The following GLRA3 variants were observed in gnomAD, a reference collection of about 807,000 sequenced individuals.
The protein encoded by GLRA3 is glycine receptor subunit alpha-3.
In GLRA3, 44 loss-of-function variants were observed where a neutral mutation model predicts 60.4. That is an observed-to-expected ratio of 0.73 (90% CI 0.57 to 0.94). GLRA3 has a LOEUF of 0.94. GLRA3 is among the 40% of genes least tolerant of loss of function. The pLI, the probability that GLRA3 is intolerant of heterozygous loss-of-function variation, is 0.00. For synonymous variants in GLRA3, 223 were observed against 192.9 expected, an observed-to-expected ratio of 1.16 and a Z score of -1.29; for missense variants, 508 against 564.6, an observed-to-expected ratio of 0.90 and a Z score of 1.02.
intron 7 of GLRA3, among the ~76,000 whole-genome samples, chr4:174,664,341 T>C (rs1733574608): frequency 6.6e-6 from 1 of 152,010 alleles, no homozygotes; most frequent in Non-Finnish European, 1.5e-5. Flanking sequence ...ACTCTGACTG[T>C]CTCCCACGCC....
chr4:174,738,204 G>A (rs1362906987), intron 3 of GLRA3, among the ~76,000 whole-genome samples: 1 of 152,126 alleles, frequency 6.6e-6, no homozygotes, highest in South Asian at 2.1e-4. Flanking sequence ...GCTCTTGACA[G>A]TAACAGATGA....
intron 7 of GLRA3, among the ~76,000 whole-genome samples, chr4:174,672,012 T>C (rs1733926836): frequency 6.6e-6 from 1 of 152,124 alleles, no homozygotes; most frequent in South Asian, 2.1e-4. Context: ...TGAGTGGAAT[T>C]GAGAAAGGTA....
intron 9 of GLRA3, among the ~76,000 whole-genome samples, chr4:174,651,531 CA>C (rs1297279664): frequency 6.6e-6 from 1 of 151,956 alleles, no homozygotes; most frequent in Non-Finnish European, 1.5e-5. Flanking sequence ...GGAAAGAATA[CA>C]AATAACAACT....
chr4:174,691,666 T>C (rs1734816180), intron 5 of GLRA3, among the ~76,000 whole-genome samples: 1 of 152,216 alleles, frequency 6.6e-6, no homozygotes, highest in African/African-American at 2.4e-5. Flanking sequence ...GGTGCCGGGA[T>C]TGCAGACGGA....
chr4:174,670,702 C>T (rs1163053976), intron 7 of GLRA3, among the ~76,000 whole-genome samples: 6 of 152,024 alleles, frequency 3.9e-5, no homozygotes, highest in African/African-American at 1.4e-4. Context: ...AGAGAAAATG[C>T]TTGATAATCA....
chr4:174,827,886 C>T (rs1008801688), intron 1 of GLRA3, among the ~76,000 whole-genome samples: 1 of 151,582 alleles, frequency 6.6e-6, no homozygotes, highest in South Asian at 2.1e-4. Context: ...GAAAACCTTG[C>T]AAGCCATAAA....
At chr4:174,818,402 G>T (rs1187599064) in intron 1 of GLRA3, among the ~76,000 whole-genome samples, 4 of 152,008 alleles carry the variant, frequency 2.6e-5, no homozygotes, top group Admixed American at 2.0e-4. Context: ...TACCCACAGG[G>T]AATGATATGT....
At chr4:174,742,574 C>T (rs555921328) in intron 3 of GLRA3, among the ~76,000 whole-genome samples, 4 of 152,274 alleles carry the variant, frequency 2.6e-5, no homozygotes, top group Admixed American at 2.6e-4. Context: ...AAAAATCTCT[C>T]TCTCCTTTGT....
chr4:174,741,559 T>C (rs1737027267), intron 3 of GLRA3, among the ~76,000 whole-genome samples: 1 of 151,902 alleles, frequency 6.6e-6, no homozygotes. Flanking sequence ...AACAGCATTT[T>C]TCACAGAAAT....
intron 5 of GLRA3, among the ~76,000 whole-genome samples, chr4:174,701,623 A>C (rs930671917): frequency 2.0e-5 from 3 of 152,228 alleles, no homozygotes; most frequent in Non-Finnish European, 4.4e-5. Flanking sequence ...GTAAACTGAA[A>C]ACCTACATGT....
chr4:174,661,507 T>G (rs999536844), intron 7 of GLRA3, among the ~76,000 whole-genome samples: 3 of 152,220 alleles, frequency 2.0e-5, no homozygotes, highest in Admixed American at 6.5e-5. Flanking sequence ...TTGGTTCTTA[T>G]GAAGGTGCTT....
Position 174,639,805 on chromosome 4 carries a change from C to A in GLRA3, c.*3981G>T, listed in dbSNP as rs967927088. The A allele has an allele frequency of 1.3e-5, 2 of 150,926 alleles. No homozygotes were observed. The allele number at this position is 150,926 out of a possible 1,614,324, so 9.3% of individuals were successfully genotyped here. ...TTACAGTGTACACTGCTTATTTATCCATGAAAGGTTTATATAACAATAAAA... is the reference window on the plus strand; with the variant it reads ...TTACAGTGTACACTGCTTATTTATCAATGAAAGGTTTATATAACAATAAAA... On this transcript the variant is annotated 3_prime_UTR_variant, in exon 10 of 10. Coordinates refer to ENST00000274093, the MANE Select transcript of GLRA3 (RefSeq NM_006529.4).
chr4:174,789,772 A>G (rs1739253856), intron 1 of GLRA3, among the ~76,000 whole-genome samples: 1 of 152,128 alleles, frequency 6.6e-6, no homozygotes. Context: ...GATTCTTTTT[A>G]TCCACAGAGT....
chr4:174,799,725 C>G (rs981137987), intron 1 of GLRA3, among the ~76,000 whole-genome samples: 1 of 152,166 alleles, frequency 6.6e-6, no homozygotes, highest in African/African-American at 2.4e-5. Context: ...AGGTTGCTAG[C>G]AACTTACCTC....
In GLRA3 at chr4:174,637,266, A is replaced by C. The variant is rs142664809; in HGVS notation, c.*6520T>G. On this transcript the variant is annotated 3_prime_UTR_variant, in exon 10 of 10. Coordinates refer to ENST00000274093, the MANE Select transcript of GLRA3 (RefSeq NM_006529.4). ...AACTTGACTCACTAATAATGAAGTC[A>C]CTGTATATCATATAAAGATGGTACA... is the stretch of plus-strand genomic sequence containing the variant. 6.6e-4 allele frequency: 101 copies of C among 152,304 alleles called. No homozygotes were observed. Among genetic ancestry groups the C allele is most frequent in the African/African-American group, 2.2e-3 (92 of 41,558 alleles). 9.4% of individuals were successfully genotyped at this position (152,304 alleles called of 1,614,324 possible).
At chr4:174,651,995 C>A (rs192116708) in intron 9 of GLRA3, among the ~76,000 whole-genome samples, 72 of 151,980 alleles carry the variant, frequency 4.7e-4, no homozygotes, top group Admixed American at 2.4e-3. Context: ...AGACCATGAG[C>A]CCCTGGACCT....
chr4:174,679,065 A>G (rs1260563520), intron 6 of GLRA3, among the ~76,000 whole-genome samples: 12 of 152,178 alleles, frequency 7.9e-5, no homozygotes, highest in Middle Eastern at 3.4e-3. Flanking sequence ...AATCAAAACC[A>G]CAATAAGTGC....
intron 3 of GLRA3, among the ~76,000 whole-genome samples, chr4:174,732,273 T>G (rs1736580228): frequency 6.6e-6 from 1 of 151,766 alleles, no homozygotes; most frequent in East Asian, 1.9e-4. Flanking sequence ...GAGAGACGCT[T>G]GAACCCAGGA....
rs1741076191 is a variant in GLRA3, at chr4:174,828,638, C to T, written c.71+103G>A. On this transcript the variant is annotated intron_variant, in intron 1 of 9. Coordinates refer to ENST00000274093, the MANE Select transcript of GLRA3 (RefSeq NM_006529.4). ...GATTAAATTGATTGTTTCAACAAGT[C>T]AATATAGAATTGCAAATTTCCCGGT... The T allele has an allele frequency of 4.1e-6, 3 of 731,006 alleles. No individual in the cohort carries two copies. The South Asian group carries it at 4.6e-5, about 11-fold the overall frequency. The allele number at this position is 731,006 out of a possible 1,614,324, so 45.3% of individuals were successfully genotyped here. A position where few individuals can be genotyped will look rare whatever the true frequency, so the allele number is the denominator to read the frequency against.
Sources: allele counts gnomAD v4.1 joint callset (sites outside exome capture counted in the v4.1 genomes callset), GRCh38; gene constraint gnomAD v4.1.1; transcripts MANE v1.5; gene names NCBI Gene and HGNC (gene_info 2026-07-23, HGNC 2026-07-21).